DOCK8: variants seen among roughly 807,000 people sequenced by gnomAD.
The protein encoded by DOCK8 is dedicator of cytokinesis 8.
DOCK8 carries 141 observed loss-of-function variants against 245.6 expected under a neutral mutation model. The ratio of observed to expected loss-of-function variants is 0.57; its 90% CI spans 0.50 to 0.66. DOCK8 has a LOEUF of 0.66. DOCK8 is among the 30% of genes least tolerant of loss of function. DOCK8 has a pLI of 0.00. For synonymous variants in DOCK8, 1,168 were observed against 970.2 expected (o/e 1.20, Z -3.79); for missense variants, 2,965 against 2,603.4 (o/e 1.14, Z -3.02).
chr9:333,428 C>A (rs10970936), intron 10 of DOCK8, among the ~76,000 whole-genome samples: 2 of 151,994 alleles, frequency 1.3e-5, no homozygotes, highest in Middle Eastern at 3.4e-3. Flanking sequence ...GGTGAAACCC[C>A]GTCTCTGCTA....
At chr9:355,637 A>C (rs2052402390) in intron 14 of DOCK8, among the ~76,000 whole-genome samples, 1 of 152,216 alleles carries the variant, frequency 6.6e-6, no homozygotes, top group Non-Finnish European at 1.5e-5. Context: ...AGCCTGCAAA[A>C]TAGGGAAAAG....
chr9:220,119 C>G (rs1335716236), intron 1 of DOCK8, among the ~76,000 whole-genome samples: 13 of 152,178 alleles, frequency 8.5e-5, no homozygotes, highest in Admixed American at 8.5e-4. Context: ...TCAGGAATTG[C>G]TTTATTTGTC....
At chr9:339,518 T>A (rs74307556) in intron 13 of DOCK8, among the ~76,000 whole-genome samples, 12,352 of 152,156 alleles carry the variant, frequency 0.081, 540 homozygotes, top group African/African-American at 0.099. Flanking sequence ...CAGTTTGTGT[T>A]TGTTTTTGTT....
At chr9:253,006 T>C (rs1222014685) in intron 1 of DOCK8, among the ~76,000 whole-genome samples, 1 of 152,098 alleles carries the variant, frequency 6.6e-6, no homozygotes, top group Non-Finnish European at 1.5e-5. Flanking sequence ...ATTCAAAATG[T>C]TTTTTCGGAA....
chr9:283,407 T>A (rs756671243), intron 2 of DOCK8, among the ~76,000 whole-genome samples: 64 of 152,370 alleles, frequency 4.2e-4, no homozygotes, highest in Non-Finnish European at 7.6e-4. Context: ...TACTTTTTTT[T>A]ATTTGTATAA....
chr9:446,254 T>C (rs1014938409), intron 43 of DOCK8, 116 bp from the exon 44 acceptor site: 22 of 873,316 alleles, frequency 2.5e-5, no homozygotes, highest in Non-Finnish European at 4.3e-5. Context: ...CTGTAGCTTT[T>C]CTGCACTGGG....
intron 47 of DOCK8, 57 bp downstream of exon 47, chr9:463,744 C>G (rs561643562): frequency 3.1e-6 from 5 of 1,600,916 alleles, no homozygotes; most frequent in Non-Finnish European, 4.3e-6. Context: ...CGCATGGGGC[C>G]TAGCACCTTG....
intron 27 of DOCK8, among the ~76,000 whole-genome samples, chr9:406,440 C>T (rs377378784): frequency 6.7e-5 from 10 of 149,736 alleles, no homozygotes; most frequent in African/African-American, 2.5e-4. Context: ...TGAGCTGAGA[C>T]CATGCCACTG....
intron 1 of DOCK8, among the ~76,000 whole-genome samples, chr9:244,055 G>A (rs188631587): frequency 8.2e-4 from 125 of 152,064 alleles, no homozygotes; most frequent in African/African-American, 2.9e-3. Context: ...GGGCGTGGCG[G>A]CGACCGCTTG....
At chr9:251,391 T>A (rs2047641903) in intron 1 of DOCK8, among the ~76,000 whole-genome samples, 2 of 152,226 alleles carry the variant, frequency 1.3e-5, no homozygotes, top group South Asian at 4.1e-4. Flanking sequence ...TACTTATCCA[T>A]GAAAGGATTA....
At chr9:387,368 G>T (rs527702217) in intron 23 of DOCK8, among the ~76,000 whole-genome samples, 2 of 151,766 alleles carry the variant, frequency 1.3e-5, no homozygotes, top group African/African-American at 2.4e-5. Context: ...ACTTGAACAC[G>T]GGAGGCAGAG....
intron 35 of DOCK8, among the ~76,000 whole-genome samples, chr9:429,058 C>T (rs939183055): frequency 1.1e-4 from 16 of 152,216 alleles, no homozygotes; most frequent in South Asian, 6.2e-4. Flanking sequence ...GCCTCTGCGC[C>T]CTGGGCTCAA....
chr9:352,393 G>A (rs1033830457), intron 14 of DOCK8, among the ~76,000 whole-genome samples: 2 of 152,100 alleles, frequency 1.3e-5, no homozygotes, highest in African/African-American at 4.8e-5. Context: ...GAGTTGTGAT[G>A]AAACTGAACC....
chr9:299,378 C>G (rs1290489367), intron 4 of DOCK8, among the ~76,000 whole-genome samples: 3 of 152,168 alleles, frequency 2.0e-5, no homozygotes, highest in Admixed American at 6.5e-5. Context: ...CCTCCCATCT[C>G]AGGCTCCCAA....
Position 379,794 on chromosome 9 carries a change from G to A in DOCK8, c.2464G>A (p.Glu822Lys), listed in dbSNP as rs372503899. ...AGCCAACTTCTCCCAGTTTGCCTTCGAGTCCGTGGTGGCCATCGCCAACAG... is the reference window on the plus strand; with the variant it reads ...AGCCAACTTCTCCCAGTTTGCCTTCAAGTCCGTGGTGGCCATCGCCAACAG... ...QTANFSQFAFESVVAIANSLH... is the reference protein window; with the variant it reads ...QTANFSQFAFKSVVAIANSLH... Residue 822 changes from glutamate (E) to lysine (K), a missense_variant, in exon 21 of 48, where the codon GAG becomes AAG. Glu to Lys is a moderately conservative substitution (Grantham distance 56, BLOSUM62 1). Transcript: ENST00000432829. 6 of 1,614,028 alleles carry A rather than the reference G, an allele frequency of 3.7e-6. No individual in the cohort carries two copies. The highest frequency in any genetic ancestry group is 1.3e-5 in the African/African-American group (1 of 74,920).
At chr9:212,708 G>A (rs745851568), upstream of DOCK8, 2 of 152,176 alleles carry the variant, frequency 1.3e-5, no homozygotes, top group Non-Finnish European at 2.9e-5. Flanking sequence ...AACCTTCATG[G>A]TTAGGTACCA....
intron 5 of DOCK8, among the ~76,000 whole-genome samples, chr9:311,384 G>T (rs2050105936): frequency 6.7e-6 from 1 of 149,468 alleles, no homozygotes; most frequent in African/African-American, 2.5e-5. Context: ...AGCTAAGACT[G>T]TAGGTGCACG....
intron 18 of DOCK8, among the ~76,000 whole-genome samples, chr9:374,790 A>C (rs2053454855): frequency 1.3e-5 from 2 of 151,964 alleles, no homozygotes; most frequent in Non-Finnish European, 2.9e-5. Flanking sequence ...TAATGTGGCC[A>C]CTAGATGATT....
upstream of DOCK8, chr9:213,273 T>G (rs1587587817): frequency 1.3e-5 from 2 of 152,276 alleles, no homozygotes; most frequent in South Asian, 4.1e-4. Context: ...CTAAACTACC[T>G]GACACAGCTG....
Sources: allele counts gnomAD v4.1 joint callset (sites outside exome capture counted in the v4.1 genomes callset), GRCh38; gene constraint gnomAD v4.1.1; transcripts MANE v1.5; gene names NCBI Gene and HGNC (gene_info 2026-07-23, HGNC 2026-07-21).